KATNAL2: variants seen among roughly 807,000 people sequenced by gnomAD.
The protein encoded by KATNAL2 is katanin catalytic subunit A1 like 2, also known as katanin p60 ATPase-containing subunit A-like 2.
A neutral mutation model predicts 76.3 loss-of-function variants in KATNAL2; 52 were observed. The ratio of observed to expected loss-of-function variants is 0.68; its 90% CI spans 0.55 to 0.86. The LOEUF (loss-of-function observed/expected upper bound fraction) is 0.86. Ranked by LOEUF, KATNAL2 falls within the 40% of genes least tolerant of loss-of-function variation. The pLI, the probability that KATNAL2 is intolerant of heterozygous loss-of-function variation, is 0.00. For synonymous variants in KATNAL2, 243 were observed against 244.2 expected, an observed-to-expected ratio of 1.00 and a Z score of 0.05; for missense variants, 660 against 668.9, an observed-to-expected ratio of 0.99 and a Z score of 0.15.
chr18:47,095,593 A>G (rs1416601589), intron 15 of KATNAL2, among the ~76,000 whole-genome samples: 1 of 152,240 alleles, frequency 6.6e-6, no homozygotes, highest in Non-Finnish European at 1.5e-5. Flanking sequence ...GTATTTCTTC[A>G]TAGCAGTGTG....
rs2147444291 is a variant in KATNAL2 at position 47,101,495 on chromosome 18, A to C, written c.*490A>C. 6.2e-6 allele frequency: 1 copy of C among 160,818 alleles called. No homozygotes were observed. The highest frequency in any genetic ancestry group is 1.7e-4 in the South Asian group (1 of 5,754). The allele number at this position is 160,818 out of a possible 1,614,324, so 10.0% of individuals were successfully genotyped here. A position where few individuals can be genotyped will look rare whatever the true frequency, so the allele number is the denominator to read the frequency against. ...CAGTCTGTTTCTCATTCCGGACAAT[A>C]TTCTGAATCTCATCAGCTCCCCCTA... is the stretch of plus-strand genomic sequence containing the variant. On this transcript the variant is annotated 3_prime_UTR_variant, in exon 18 of 18. Transcript: ENST00000683218.
chr18:47,063,475 C>A, intron 10 of KATNAL2, 114 bp downstream of exon 10: 3 of 724,422 alleles, frequency 4.1e-6, no homozygotes, highest in South Asian at 3.9e-5. Flanking sequence ...TTATAAAGTG[C>A]CCCCACTTGC....
At chr18:47,034,161 C>T in intron 3 of KATNAL2, 2 of 1,614,230 alleles carry the variant, frequency 1.2e-6, no homozygotes, top group Non-Finnish European at 1.7e-6. Flanking sequence ...TATCTACCTC[C>T]TCCACCTCAG....
At chr18:46,929,123 A>G (rs1189683802) in intron 1 of KATNAL2, among the ~76,000 whole-genome samples, 1 of 151,992 alleles carries the variant, frequency 6.6e-6, no homozygotes, top group Non-Finnish European at 1.5e-5. Context: ...ACTAAAGTTT[A>G]GTTTTTTATA....
chr18:47,084,441 A>G (rs760155762), intron 15 of KATNAL2: 7 of 702,068 alleles, frequency 1.0e-5, no homozygotes, highest in South Asian at 7.4e-5. Context: ...AGTCTGCCAC[A>G]GGTCAGCAAG....
At chr18:46,942,665 T>C (rs1568997289) in intron 1 of KATNAL2, among the ~76,000 whole-genome samples, 1 of 152,162 alleles carries the variant, frequency 6.6e-6, no homozygotes, top group Non-Finnish European at 1.5e-5. Flanking sequence ...TTATAATATC[T>C]TCTATCTGTC....
chr18:47,056,019 T>C (rs190528182), intron 6 of KATNAL2, among the ~76,000 whole-genome samples: 1 of 152,230 alleles, frequency 6.6e-6, no homozygotes, highest in East Asian at 1.9e-4. Flanking sequence ...AGACATGTCA[T>C]GAGACTGGCT....
intron 3 of KATNAL2, among the ~76,000 whole-genome samples, chr18:46,949,165 T>TG (rs907501809): frequency 2.3e-4 from 35 of 152,296 alleles, no homozygotes; most frequent in African/African-American, 7.9e-4. Context: ...CCCACGGTGC[T>TG]GGAATTATAG....
intron 3 of KATNAL2, among the ~76,000 whole-genome samples, chr18:47,039,318 C>T (rs2060882601): frequency 6.6e-6 from 1 of 152,100 alleles, no homozygotes; most frequent in African/African-American, 2.4e-5. Context: ...ACTTCCATTG[C>T]CTTGATCAAT....
At chr18:46,918,155 G>T (rs1046229649) in intron 1 of KATNAL2, 1 of 152,098 alleles carries the variant, frequency 6.6e-6, no homozygotes, top group South Asian at 2.1e-4. Flanking sequence ...AGCTAGGAAG[G>T]AGTCAAACGC....
chr18:46,934,075 C>A lies in KATNAL2; in HGVS notation c.-509-11982C>A, dbSNP rs149958761. 6.3e-3 allele frequency among the ~76,000 whole-genome samples: 951 copies of A among 151,904 alleles called. 8 individuals carry two copies. The highest frequency in any genetic ancestry group is 0.022 in the African/African-American group (892 of 41,370). On this transcript the variant is annotated intron_variant, in intron 1 of 17. Transcript: ENST00000683218. ...TTGGACATTTAGGTTGGTTCCAAGT[C>A]TTTGCTATTGTGAATAGTGCCGCTA...
chr18:46,926,132 G>C (rs369357162), intron 1 of KATNAL2, among the ~76,000 whole-genome samples: 6 of 152,088 alleles, frequency 3.9e-5, no homozygotes, highest in African/African-American at 7.2e-5. Flanking sequence ...GCTAGCTTTT[G>C]AATGTGTTTG....
intron 3 of KATNAL2, chr18:47,035,693 G>C (rs543917375): frequency 3.6e-6 from 1 of 278,554 alleles, no homozygotes; most frequent in Non-Finnish European, 7.2e-6. Context: ...GACGGTCCAC[G>C]CCAGGTGGAC....
intron 15 of KATNAL2, among the ~76,000 whole-genome samples, chr18:47,090,938 C>T (rs2062976253): frequency 6.6e-6 from 1 of 152,176 alleles, no homozygotes; most frequent in African/African-American, 2.4e-5. Flanking sequence ...ATATTAATTT[C>T]CAGAGTTGTC....
intron 15 of KATNAL2, among the ~76,000 whole-genome samples, chr18:47,089,874 C>A (rs1291851764): frequency 6.6e-6 from 1 of 151,938 alleles, no homozygotes; most frequent in African/African-American, 2.4e-5. Flanking sequence ...TAGCCCTGCA[C>A]CTAAAGGTCA....
Position 47,034,243 on chromosome 18 carries a change from G to A in KATNAL2, c.52-12214G>A. On this transcript the variant is annotated intron_variant, in intron 3 of 17. Coordinates refer to ENST00000683218, the MANE Select transcript of KATNAL2 (RefSeq NM_001387690.1). ...CCCCTCTTGAGTCTCTCGGTCGTTG[G>A]AAAGCTGCTCTTTCTCCTCGGGCGA... 3 of 1,613,976 alleles carry A rather than the reference G, an allele frequency of 1.9e-6. No homozygotes were observed. In the South Asian group the frequency reaches 3.3e-5, roughly 18 times the overall value.
intron 15 of KATNAL2, among the ~76,000 whole-genome samples, chr18:47,084,847 TAAAAA>T (rs34034453): frequency 9.4e-4 from 24 of 25,538 alleles, no homozygotes; most frequent in African/African-American, 1.8e-3. Flanking sequence ...AGACTCTGTC[TAAAAA>T]AAAAAAAAAA....
chr18:46,955,170 C>CTTTCTTTCTTTCTTTCTTTCTTTCT (rs2059701614), intron 3 of KATNAL2, among the ~76,000 whole-genome samples: 1 of 133,774 alleles, frequency 7.5e-6, no homozygotes, highest in African/African-American at 2.8e-5. Flanking sequence ...TTCTTTCTTT[C>CTTTCTTTCTTTCTTTCTTTCTTTCT]TTTCTTTCTT....
At chr18:47,057,918 C>G (rs2061517118) in intron 6 of KATNAL2, among the ~76,000 whole-genome samples, 1 of 152,242 alleles carries the variant, frequency 6.6e-6, no homozygotes, top group East Asian at 1.9e-4. Flanking sequence ...TGGAAGAATG[C>G]TTGTAAAGTA....
Sources: allele counts gnomAD v4.1 joint callset (sites outside exome capture counted in the v4.1 genomes callset), GRCh38; gene constraint gnomAD v4.1.1; transcripts MANE v1.5; gene names NCBI Gene and HGNC (gene_info 2026-07-23, HGNC 2026-07-21).